STK33: variants seen among roughly 807,000 people sequenced by gnomAD.
STK33 encodes serine/threonine kinase 33.
STK33 carries 52 observed loss-of-function variants against 58.0 expected under a neutral mutation model. That is an observed-to-expected ratio of 0.90 (90% CI 0.72 to 1.13). The LOEUF is 1.13. Among genes scored for constraint, STK33 ranks in the 50% most tolerant of loss-of-function variants. The pLI is 0.00. For synonymous variants in STK33, 215 were observed against 200.1 expected, an observed-to-expected ratio of 1.07 and a Z score of -0.63; for missense variants, 630 against 604.2, an observed-to-expected ratio of 1.04 and a Z score of -0.45.
At chr11:8,508,757 G>T (rs1161046764) in intron 1 of STK33, among the ~76,000 whole-genome samples, 1 of 152,130 alleles carries the variant, frequency 6.6e-6, no homozygotes, top group Non-Finnish European at 1.5e-5. Flanking sequence ...ATGGAAATGT[G>T]GAGAATGGGT....
chr11:8,454,625 A>C (rs1217224733), intron 10 of STK33, 119 bp downstream of exon 10: 5 of 1,243,034 alleles, frequency 4.0e-6, no homozygotes, highest in South Asian at 1.6e-5. Flanking sequence ...TTTTAGCACA[A>C]GCCACTTATT....
At chr11:8,335,923 C>G in the STK33 span, among the ~76,000 whole-genome samples, 7 of 152,212 alleles carry the variant, frequency 4.6e-5, no homozygotes, top group Non-Finnish European at 8.8e-5. Context: ...GGCTATTGTA[C>G]TCTACAGCAC....
At chr11:8,339,396 G>A in the STK33 span, among the ~76,000 whole-genome samples, 1 of 152,212 alleles carries the variant, frequency 6.6e-6, no homozygotes, top group African/African-American at 2.4e-5. Context: ...TGACCCAAGA[G>A]GCACAATTTT....
At chr11:8,565,867 T>C (rs1957413214) in intron 1 of STK33, 1 of 152,226 alleles carries the variant, frequency 6.6e-6, no homozygotes, top group African/African-American at 2.4e-5. Flanking sequence ...GTTAAGTTAT[T>C]ACCCATCCAA....
intron 12 of STK33, 70 bp downstream of exon 12, chr11:8,440,608 A>G (rs986038085): frequency 7.9e-7 from 1 of 1,258,252 alleles, no homozygotes; most frequent in South Asian, 1.8e-5. Flanking sequence ...GTTTTAATTT[A>G]AAGTCTATAT....
At chr11:8,539,209 A>G (rs1955301817) in intron 1 of STK33, among the ~76,000 whole-genome samples, 1 of 152,230 alleles carries the variant, frequency 6.6e-6, no homozygotes, top group African/African-American at 2.4e-5. Flanking sequence ...TTTGTTAAAA[A>G]ACAAAAATTT....
intron 15 of STK33, among the ~76,000 whole-genome samples, chr11:8,402,452 C>A (rs554862077): frequency 1.3e-5 from 2 of 152,092 alleles, no homozygotes; most frequent in African/African-American, 4.8e-5. Flanking sequence ...ACATCACACA[C>A]CGGGGCCTGT....
the STK33 span, among the ~76,000 whole-genome samples, chr11:8,353,175 T>C: frequency 1.3e-5 from 2 of 151,950 alleles, no homozygotes; most frequent in Non-Finnish European, 2.9e-5. Context: ...CCAGAAGGGA[T>C]GAGAGGAGAG....
chr11:8,515,888 C>T (rs1354225998), intron 1 of STK33, among the ~76,000 whole-genome samples: 1 of 152,286 alleles, frequency 6.6e-6, no homozygotes, highest in Non-Finnish European at 1.5e-5. Context: ...TAACATCACA[C>T]TCAAAGGCGT....
chr11:8,476,851 AG>A (rs961268632), intron 3 of STK33, 100 bp from the exon 4 acceptor site: 3 of 152,352 alleles, frequency 2.0e-5, no homozygotes, highest in Admixed American at 1.3e-4. Context: ...ATCTGACCAT[AG>A]TAGTATTCCC....
chr11:8,456,896 G>T (rs1160313185), intron 9 of STK33, among the ~76,000 whole-genome samples: 1 of 152,018 alleles, frequency 6.6e-6, no homozygotes, highest in Non-Finnish European at 1.5e-5. Flanking sequence ...TTTGACAGTG[G>T]GGCAGGTTGT....
chr11:8,527,748 A>G lies in STK33; in HGVS notation c.-465-47134T>C, dbSNP rs1591638979. Among the ~76,000 whole-genome samples, 2 of 152,204 alleles carry G rather than the reference A, an allele frequency of 1.3e-5. 1 individual carries two copies. Among genetic ancestry groups the G allele is most frequent in the Middle Eastern group, 6.3e-3 (2 of 316 alleles). On this transcript the variant is annotated intron_variant, in intron 1 of 15. Transcript: ENST00000687296. ...CATGAGGCATAGAGAAGAAACAGTA[A>G]AATCACAGAAGCAACCACAATAGCA...
At chr11:8,400,359 T>C (rs559878796) in intron 15 of STK33, among the ~76,000 whole-genome samples, 254 of 151,428 alleles carry the variant, frequency 1.7e-3, no homozygotes, top group Non-Finnish European at 2.5e-3. Context: ...ACAGAACCAA[T>C]GACAAAAACC....
At chr11:8,438,507 T>C (rs1230248876) in intron 12 of STK33, among the ~76,000 whole-genome samples, 1 of 152,182 alleles carries the variant, frequency 6.6e-6, no homozygotes, top group Non-Finnish European at 1.5e-5. Flanking sequence ...AAGGAAATTA[T>C]AACACCATTG....
At chr11:8,350,282 G>A in the STK33 span, among the ~76,000 whole-genome samples, 1 of 152,202 alleles carries the variant, frequency 6.6e-6, no homozygotes, top group East Asian at 1.9e-4. Flanking sequence ...CAGAGCAGGA[G>A]GCCAGGCAGT....
chr11:8,418,222 A>AT (rs531546407), intron 14 of STK33, among the ~76,000 whole-genome samples: 1 of 151,682 alleles, frequency 6.6e-6, no homozygotes, highest in Non-Finnish European at 1.5e-5. Context: ...TCCAATAGTT[A>AT]TTTTTTTCTG....
intron 15 of STK33, among the ~76,000 whole-genome samples, chr11:8,402,640 C>T (rs574648157): frequency 6.6e-6 from 1 of 152,054 alleles, no homozygotes; most frequent in Admixed American, 6.5e-5. Flanking sequence ...TCTGAGACTC[C>T]CCTCAAATAT....
chr11:8,540,388 G>C (rs1955412354), intron 1 of STK33, among the ~76,000 whole-genome samples: 1 of 152,000 alleles, frequency 6.6e-6, no homozygotes, highest in African/African-American at 2.4e-5. Flanking sequence ...GGGAGGCTGA[G>C]GTGGGAGGAT....
chr11:8,355,421 T>C, the STK33 span, among the ~76,000 whole-genome samples: 1 of 152,220 alleles, frequency 6.6e-6, no homozygotes, highest in Non-Finnish European at 1.5e-5. Context: ...ACTGGACGGC[T>C]CTAGGTCGAA....
Sources: allele counts gnomAD v4.1 joint callset (sites outside exome capture counted in the v4.1 genomes callset), GRCh38; gene constraint gnomAD v4.1.1; transcripts MANE v1.5; gene names NCBI Gene and HGNC (gene_info 2026-07-23, HGNC 2026-07-21).